MUC5B: variants seen among roughly 807,000 people sequenced by gnomAD.
MUC5B encodes the protein mucin 5B, oligomeric mucus/gel-forming, also known as mucin-5B.
A neutral mutation model predicts 376.9 loss-of-function variants in MUC5B; 116 were observed. That is an observed-to-expected ratio of 0.31 (90% CI 0.26 to 0.36). The LOEUF (loss-of-function observed/expected upper bound fraction) is 0.36. MUC5B is among the 10% of genes least tolerant of loss of function. The probability of loss-of-function intolerance (pLI) is 1.00; values close to 1 mark genes in which losing one functional copy is unlikely to be tolerated. For synonymous variants in MUC5B, 3,517 were observed against 3,390.9 expected (o/e 1.04, Z -1.29); for missense variants, 7,165 against 7,769.9 (o/e 0.92, Z 2.93).
At chr11:1,256,348 A>C (rs55908339) in intron 38 of MUC5B, 123 bp downstream of exon 38, 16,804 of 633,326 alleles carry the variant, frequency 0.027, 348 homozygotes, top group Non-Finnish European at 0.031. Flanking sequence ...GCCCGAGCCC[A>C]GGACTCCTTG....
chr11:1,254,599 C>T, intron 34 of MUC5B, 95 bp from the exon 35 acceptor site: 1 of 1,344,164 alleles, frequency 7.4e-7, no homozygotes, highest in Non-Finnish European at 1.0e-6. Flanking sequence ...ACAGGGGGGT[C>T]TCTGCACATG....
rs56233103 is a variant in MUC5B, at chr11:1,251,540, C to G, written c.14660C>G (p.Pro4887Arg). The G allele has an allele frequency of 8.9e-4, 1,438 of 1,613,042 alleles. 18 individuals carry two copies. The Admixed American group carries it at 0.022, about 25-fold the overall frequency. Reference protein sequence around the residue: ...PKVVTTMATMPTATASTVPSS... With the variant: ...PKVVTTMATMRTATASTVPSS... ...GTGGTGACCACCATGGCCACTATGC[C>G]CACAGCCACTGCCTCCACGGTTCCC... The change falls in exon 31 of 49, where the codon CCC (proline) becomes CGC (arginine). Residue 4887 changes from proline (P) to arginine (R), a missense_variant. Physicochemically the swap from Pro to Arg is moderately radical, Grantham distance 103. Transcript: ENST00000529681.
In MUC5B at chr11:1,244,678, C is replaced by G; in HGVS notation, c.7798C>G (p.Pro2600Ala). Residue 2600 changes from proline to alanine, a missense_variant, in exon 31 of 49, where the codon CCA (proline) becomes GCA (alanine). Pro to Ala is a conservative substitution (Grantham distance 27). This residue lies in a region of MUC5B where 141 missense variants were observed against 111.2 expected (regional missense o/e 1.27). Coordinates refer to ENST00000529681, the MANE Select transcript of MUC5B (RefSeq NM_002458.3). ...CTCTGTGGCCACCCCCTCCTCCACC[C>G]CAGGAACAGCTCACACTACCAAAGT... ...TGSVATPSST[P>A]GTAHTTKVLT... is the part of the protein sequence containing the mutation. The G allele has an allele frequency of 1.2e-6, 2 of 1,612,022 alleles. No homozygotes were observed. The highest frequency in any genetic ancestry group is 1.7e-6 in the Non-Finnish European group (2 of 1,178,312).
chr11:1,249,509 T>C lies in MUC5B; in HGVS notation c.12629T>C (p.Phe4210Ser). 1 of 1,611,630 alleles carries C rather than the reference T, an allele frequency of 6.2e-7. No individual in the cohort carries two copies. Among genetic ancestry groups the C allele is most frequent in the African/African-American group, 1.3e-5 (1 of 74,824 alleles). The change falls in exon 31 of 49, where the codon TTC (phenylalanine) becomes TCC (serine). Residue 4210 changes from phenylalanine (F) to serine (S), a missense_variant. This residue lies in a region of MUC5B where 38 missense variants were observed against 72.5 expected (regional missense o/e 0.52). Transcript: ENST00000529681. Reference protein sequence around the residue: ...VCRNREQVGKFKMCFNYEIRV... With the variant: ...VCRNREQVGKSKMCFNYEIRV... ...AGGAACCGTGAGCAGGTGGGGAAGT[T>C]CAAGATGTGCTTCAACTATGAAATC...
In MUC5B at chr11:1,231,980, C is replaced by G. The variant is rs1288814123; in HGVS notation, c.1679-16C>G. 6.2e-7 allele frequency: 1 copy of G among 1,612,384 alleles called. No homozygotes were observed. The highest frequency in any genetic ancestry group is 1.7e-5 in the Admixed American group (1 of 59,990). Reference sequence around the variant, plus strand: ...CCCAACAGTGGCCGCTGACATCCCCCAACCCTGGCCCCCAGGCCTGTGTGG... The same window carrying G: ...CCCAACAGTGGCCGCTGACATCCCCGAACCCTGGCCCCCAGGCCTGTGTGG... On this transcript the variant is annotated splice_polypyrimidine_tract_variant and intron_variant, in intron 14 of 48. Coordinates refer to ENST00000529681, the MANE Select transcript of MUC5B (RefSeq NM_002458.3).
intron 8 of MUC5B, 28 bp from the exon 9 acceptor site, chr11:1,229,142 T>C (rs762950018): frequency 6.4e-7 from 1 of 1,554,360 alleles, no homozygotes; most frequent in Middle Eastern, 1.8e-4. Flanking sequence ...GCCCTTCCCC[T>C]GGCCCAGCCC....
rs756235932 is a variant in MUC5B at position 1,256,690 on chromosome 11, G to C, written c.16156G>C (p.Glu5386Gln). The change falls in exon 39 of 49, where the codon GAG (glutamate) becomes CAG (glutamine). Residue 5386 changes from glutamate (E) to glutamine (Q), a missense_variant. Physicochemically the swap from Glu to Gln is conservative, Grantham distance 29. Transcript: ENST00000529681. ...CTGCAGGAACCAGAGCCCACAGCTG[G>C]AGGGGATGGCGGAGGGCTGCTTCTG... The part of the protein sequence containing the change: ...CNSRNQSPQL[E>Q]GMAEGCFCPE... 10 of 1,568,578 alleles carry C rather than the reference G, an allele frequency of 6.4e-6. No individual in the cohort carries two copies. The Admixed American group carries it at 1.5e-4, about 24-fold the overall frequency.
intron 10 of MUC5B, 40 bp from the exon 11 acceptor site, chr11:1,229,965 C>T (rs781003880): frequency 6.4e-7 from 1 of 1,564,894 alleles, no homozygotes; most frequent in Non-Finnish European, 8.6e-7. Flanking sequence ...GGCCCACCTC[C>T]TCCCGACATG....
Position 1,243,625 on chromosome 11 carries a change from A to C in MUC5B, c.6745A>C (p.Thr2249Pro). 1 of 1,607,430 alleles carries C rather than the reference A, an allele frequency of 6.2e-7. No individual in the cohort carries two copies. Among genetic ancestry groups the C allele is most frequent in the Non-Finnish European group, 8.5e-7 (1 of 1,178,344 alleles). The stretch of plus-strand genomic sequence containing the variant: ...AACCACCGGTACCACCCAGCACTCG[A>C]CTCCAGCCCTTTCCAGCCCTCACCC... ...AATTGTTQHS[T>P]PALSSPHPSS... Residue 2249 changes from threonine (T) to proline (P), a missense_variant, in exon 31 of 49, where the codon ACT becomes CCT. Coordinates refer to ENST00000529681, the MANE Select transcript of MUC5B (RefSeq NM_002458.3).
At position 1,255,143 on chromosome 11, in the gene MUC5B, G is replaced by A. The variant is rs762939937; in HGVS notation, c.15767G>A (p.Arg5256Lys). ...MAKTWLVPDS[R>K]KDGCWAPTGT... is the part of the protein sequence containing the mutation. ...AAGACGTGGCTGGTCCCCGACAGCA[G>A]AAAGGATGGCTGCTGGGCCCCGACT... Residue 5256 changes from arginine (R) to lysine (K), a missense_variant, in exon 36 of 49, where the codon AGA becomes AAA. By Grantham distance (26) the Arg-to-Lys change is conservative. This residue lies in a region of MUC5B where 842 missense variants were observed against 1,016.9 expected (regional missense o/e 0.83). Transcript: ENST00000529681. The A allele has an allele frequency of 6.4e-7, 1 of 1,573,612 alleles. No individual in the cohort carries two copies. The highest frequency in any genetic ancestry group is 8.6e-7 in the Non-Finnish European group (1 of 1,161,078).
At chr11:1,227,958 C>T (rs56274761) in intron 7 of MUC5B, among the ~76,000 whole-genome samples, 177 bp downstream of exon 7, 3 of 152,322 alleles carry the variant, frequency 2.0e-5, no homozygotes, top group East Asian at 1.9e-4. Context: ...AGTGTGGTGA[C>T]GTGCGTGTTC....
At position 1,252,929 on chromosome 11, in the gene MUC5B, A is replaced by T; in HGVS notation, c.15166A>T (p.Ile5056Phe). The change falls in exon 33 of 49, where the codon ATC becomes TTC. Residue 5056 changes from isoleucine (I) to phenylalanine (F), a missense_variant. Physicochemically the swap from Ile to Phe is conservative, Grantham distance 21. Coordinates refer to ENST00000529681, the MANE Select transcript of MUC5B (RefSeq NM_002458.3). ...NVTCVNKHLP[I>F]KVSDPSQPCD... is the part of the protein sequence containing the mutation. ...CACCTGCGTGAACAAGCACCTGCCC[A>T]TCAAAGTGTCGGACCCGAGCCAGCC... is the stretch of plus-strand genomic sequence containing the variant. The T allele has an allele frequency of 6.2e-7, 1 of 1,612,694 alleles. No individual in the cohort carries two copies.
intron 25 of MUC5B, among the ~76,000 whole-genome samples, chr11:1,237,559 A>G (rs866294511): frequency 6.6e-6 from 1 of 152,172 alleles, no homozygotes; most frequent in African/African-American, 2.4e-5. Context: ...GATCTGCCCT[A>G]AGCAGAGACT....
rs71469868 is a variant in MUC5B, at chr11:1,247,481, G to C, written c.10601G>C (p.Arg3534Thr). 82 of 1,606,424 alleles carry C rather than the reference G, an allele frequency of 5.1e-5. 2 individuals are homozygous for C. The highest frequency in any genetic ancestry group is 2.9e-4 in the East Asian group (13 of 44,814). Residue 3534 changes from arginine (R) to threonine (T), a missense_variant, in exon 31 of 49, where the codon AGG becomes ACG. By Grantham distance (71) the Arg-to-Thr change is moderately conservative. Coordinates refer to ENST00000529681, the MANE Select transcript of MUC5B (RefSeq NM_002458.3). ...GGGACGACCACCCCGGGCCACACCAGGGGCACCTCCAGGACCACAGCCACA... is the reference window on the plus strand; with the variant it reads ...GGGACGACCACCCCGGGCCACACCACGGGCACCTCCAGGACCACAGCCACA... ...SPGTTTPGHT[R>T]GTSRTTATAT... is the part of the protein sequence containing the mutation.
chr11:1,232,340 G>A, intron 15 of MUC5B, 110 bp from the exon 16 acceptor site: 2 of 1,388,302 alleles, frequency 1.4e-6, no homozygotes, highest in East Asian at 2.5e-5. Flanking sequence ...CAGCAGGTGA[G>A]CCGCAAATTC....
intron 1 of MUC5B, 60 bp downstream of exon 1, chr11:1,223,253 G>A (rs772521873): frequency 7.7e-5 from 54 of 702,206 alleles, no homozygotes; most frequent in Non-Finnish European, 1.2e-4. Context: ...GTCTCTGCAG[G>A]TCGCTTGCCT....
Position 1,258,345 on chromosome 11 carries a change from C to T in MUC5B, c.16571C>T (p.Ser5524Leu), listed in dbSNP as rs756336123. ...TTCCTTCCAGGACCTCAGCTGTGTT[C>T]GTACAATGGCACCTTCTACGGGGTA... ...PTFRCRPQLC[S>L]YNGTFYGVGA... The change falls in exon 43 of 49, where the codon TCG becomes TTG. Residue 5524 changes from serine (S) to leucine (L), a missense_variant. Transcript: ENST00000529681. The surrounding 1 kb of genome is among the most constrained non-coding windows in gnomAD (Gnocchi z 5.5). The T allele has an allele frequency of 1.4e-5, 22 of 1,612,126 alleles. No homozygotes were observed. The highest frequency in any genetic ancestry group is 2.2e-5 in the South Asian group (2 of 90,970).
At position 1,252,404 on chromosome 11, in the gene MUC5B, G is replaced by A. The variant is rs1400341972; in HGVS notation, c.14925G>A (p.Gln4975=). The A allele has an allele frequency of 6.2e-7, 1 of 1,610,464 alleles. No individual in the cohort carries two copies. Among genetic ancestry groups the A allele is most frequent in the Non-Finnish European group, 8.5e-7 (1 of 1,178,610 alleles). Residue 4975 remains glutamine, a synonymous_variant, in exon 32 of 49, where the codon CAG becomes CAA. Transcript: ENST00000529681. ...GCCATTTCTACGCAGTGTGCAATCAGCACTGTGACATTGACCGCTTCCAGG... is the reference window on the plus strand; with the variant it reads ...GCCATTTCTACGCAGTGTGCAATCAACACTGTGACATTGACCGCTTCCAGG... ...AGCHFYAVCN[Q]HCDIDRFQGA...
rs772939463 is a variant in MUC5B at position 1,250,217 on chromosome 11, C to T, written c.13337C>T (p.Thr4446Ile). 1 of 1,609,488 alleles carries T rather than the reference C, an allele frequency of 6.2e-7. No homozygotes were observed. Among genetic ancestry groups the T allele is most frequent in the East Asian group, 2.2e-5 (1 of 44,838 alleles). ...GCCACCCCGTCCTCCACCCCAGGGA[C>T]CACCTGGATCCTCACAGAGCCGAGC... ...STATPSSTPG[T>I]TWILTEPSTT... Residue 4446 changes from threonine (T) to isoleucine (I), a missense_variant, in exon 31 of 49, where the codon ACC (threonine) becomes ATC (isoleucine). Thr to Ile is a moderately conservative substitution (Grantham distance 89, BLOSUM62 -1). Coordinates refer to ENST00000529681, the MANE Select transcript of MUC5B (RefSeq NM_002458.3).
Sources: allele counts gnomAD v4.1 joint callset (sites outside exome capture counted in the v4.1 genomes callset), GRCh38; gene constraint gnomAD v4.1.1; regional missense constraint gnomAD v4.1.1; non-coding constraint Gnocchi (gnomAD v3.1); transcripts MANE v1.5; gene names NCBI Gene and HGNC (gene_info 2026-07-23, HGNC 2026-07-21).